Variants in HYKK observed in about 807,000 individuals in gnomAD.
HYKK encodes the protein 5-hydroxy-L-lysine kinase.
HYKK carries 19 observed loss-of-function variants against 29.7 expected under a neutral mutation model. The ratio of observed to expected loss-of-function variants is 0.64; its 90% CI spans 0.45 to 0.94. The LOEUF (loss-of-function observed/expected upper bound fraction) is 0.94, where lower values mean the gene tolerates loss of function less well. Ranked by LOEUF, HYKK falls within the 40% of genes least tolerant of loss-of-function variation. The pLI, the probability that HYKK is intolerant of heterozygous loss-of-function variation, is 0.00. For synonymous variants in HYKK, 152 were observed against 158.1 expected, an observed-to-expected ratio of 0.96 and a Z score of 0.29; for missense variants, 390 against 443.4, an observed-to-expected ratio of 0.88 and a Z score of 1.08.
chr15:78,511,293 C>G (rs994124882), intron 1 of HYKK, among the ~76,000 whole-genome samples: 1 of 152,132 alleles, frequency 6.6e-6, no homozygotes, highest in African/African-American at 2.4e-5. Flanking sequence ...GTTCCTGAAG[C>G]ATGTTCAGAA....
chr15:78,523,585 C>T (rs925774932), intron 3 of HYKK, among the ~76,000 whole-genome samples: 6 of 152,204 alleles, frequency 3.9e-5, no homozygotes, highest in Admixed American at 3.3e-4. Flanking sequence ...CCTTTCTCAA[C>T]AGTCCCCCAA....
Position 78,533,598 on chromosome 15 carries a change from C to G in HYKK, c.1050C>G (p.Asp350Glu), listed in dbSNP as rs747235383. ...TGWKHLQQMF[D>E]MGQKAVEEIW... Reference sequence around the variant, plus strand: ...GGAAACACTTACAGCAAATGTTTGACATGGGTCAGAAAGCTGTAGAAGAAA... The same window carrying G: ...GGAAACACTTACAGCAAATGTTTGAGATGGGTCAGAAAGCTGTAGAAGAAA... The change falls in exon 5 of 5, where the codon GAC becomes GAG. Residue 350 changes from aspartate (D) to glutamate (E), a missense_variant. Coordinates refer to ENST00000388988, the MANE Select transcript of HYKK (RefSeq NM_001013619.4). 1.9e-6 allele frequency: 3 copies of G among 1,614,200 alleles called. No individual in the cohort carries two copies. The South Asian group carries it at 3.3e-5, about 18-fold the overall frequency.
In HYKK at chr15:78,513,151, A is replaced by AGGGTTT; in HGVS notation, c.64_65insGGTTTG (p.Gln21_Ala22insGlyPhe). On this transcript the variant is annotated inframe_insertion, in exon 2 of 5. Transcript: ENST00000388988. ...GCAAACCCACTTTCAGTGAGGAACA[A>AGGGTTT]GCCTCTGCGTTAGTGGAGTCAGTGT... 1 of 1,614,128 alleles carries AGGGTTT rather than the reference A, an allele frequency of 6.2e-7. No homozygotes were observed. The highest frequency in any genetic ancestry group is 8.5e-7 in the Non-Finnish European group (1 of 1,179,988).
At chr15:78,531,109 C>T (rs935362226) in intron 4 of HYKK, among the ~76,000 whole-genome samples, 1 of 152,112 alleles carries the variant, frequency 6.6e-6, no homozygotes, top group Non-Finnish European at 1.5e-5. Flanking sequence ...GTGATCCGCC[C>T]ACCTAAGCCT....
downstream of HYKK, chr15:78,537,182 C>G (rs1356972044): frequency 8.8e-6 from 4 of 454,024 alleles, no homozygotes; most frequent in Non-Finnish European, 1.6e-5. Flanking sequence ...TAATTTATTT[C>G]CATAATAAAT....
rs2052027165 is a variant in HYKK, at chr15:78,507,687, GGAA to G, written c.-6+18_-6+20del. 6.6e-6 allele frequency: 1 copy of G among 152,414 alleles called. No individual in the cohort carries two copies. The highest frequency in any genetic ancestry group is 6.5e-5 in the Admixed American group (1 of 15,290). The allele number at this position is 152,414 out of a possible 1,614,324, so 9.4% of individuals were successfully genotyped here. A position where few individuals can be genotyped will look rare whatever the true frequency, so the allele number is the denominator to read the frequency against. On this transcript the variant is annotated intron_variant, in intron 1 of 4. Transcript: ENST00000388988. ...GTCGCTGCCGGTGAGCCAAGGAGGG[GGAA>G]GCAGAGACGAGCCCTGCGTCCCCGC...
At chr15:78,531,688 C>T (rs541160041) in intron 4 of HYKK, among the ~76,000 whole-genome samples, 2 of 152,176 alleles carry the variant, frequency 1.3e-5, no homozygotes, top group African/African-American at 2.4e-5. Context: ...CCCACCACCA[C>T]GCTGGCTAAA....
chr15:78,514,908 C>CTCTCTATATATATA (rs766004199), intron 2 of HYKK, 60 bp from the exon 3 acceptor site: 37 of 385,488 alleles, frequency 9.6e-5, no homozygotes, highest in African/African-American at 4.0e-4. Flanking sequence ...CTCTCTCTCT[C>CTCTCTATATATATA]TATATATATA....
At position 78,533,921 on chromosome 15, in the gene HYKK, T is replaced by TA. The variant is rs2052337380; in HGVS notation, c.*252dup. 2.2e-6 allele frequency: 1 copy of TA among 456,210 alleles called. No individual in the cohort carries two copies. 28.3% of individuals were successfully genotyped at this position (456,210 alleles called of 1,614,324 possible). A position where few individuals can be genotyped will look rare whatever the true frequency, so the allele number is the denominator to read the frequency against. ...TTACTTGCCATATCTATAAAACACA[T>TA]ATAATGATACCATTTTGAAGCAGAT... On this transcript the variant is annotated 3_prime_UTR_variant, in exon 5 of 5. Transcript: ENST00000388988.
chr15:78,513,390 C>A lies in HYKK; in HGVS notation c.302C>A (p.Thr101Asn), dbSNP rs1020874112. 41 of 1,613,944 alleles carry A rather than the reference C, an allele frequency of 2.5e-5. No individual in the cohort carries two copies. Among genetic ancestry groups the A allele is most frequent in the Non-Finnish European group, 3.5e-5 (41 of 1,179,974 alleles). The change falls in exon 2 of 5, where the codon ACT (threonine) becomes AAT (asparagine). Residue 101 changes from threonine (T) to asparagine (N), a missense_variant. Physicochemically the swap from Thr to Asn is moderately conservative, Grantham distance 65 (BLOSUM62 0). Transcript: ENST00000388988. ...AGFPTASVCH[T>N]KGDNTASLVS... ...TTTCCAACAGCCTCTGTGTGTCACA[C>A]TAAAGGAGACAACACAGCTTCTCTC...
intron 3 of HYKK, among the ~76,000 whole-genome samples, chr15:78,523,242 A>C (rs1360188931): frequency 6.6e-6 from 1 of 152,232 alleles, no homozygotes; most frequent in Non-Finnish European, 1.5e-5. Context: ...GGCCTCAGGA[A>C]GCTTCTAATC....
chr15:78,528,532 G>C, intron 4 of HYKK: 1 of 984,490 alleles, frequency 1.0e-6, no homozygotes, highest in South Asian at 4.7e-5. Context: ...GCTGGGTGTG[G>C]TGGCTCCCGC....
chr15:78,519,952 C>A (rs1199893785), intron 3 of HYKK, among the ~76,000 whole-genome samples: 1 of 152,206 alleles, frequency 6.6e-6, no homozygotes, highest in African/African-American at 2.4e-5. Context: ...GGCCACTGAA[C>A]TTTCAACTTT....
At position 78,536,241 on chromosome 15, in the gene HYKK, C is replaced by T. The variant is rs1406178619; in HGVS notation, c.*2571C>T. ...CCTTTCTGATGTAGACCATGCTCTT[C>T]ACTACCACAGAGTTCCATGCTACTT... On this transcript the variant is annotated 3_prime_UTR_variant, in exon 5 of 5. Transcript: ENST00000388988. The T allele has an allele frequency of 6.6e-6, 1 of 152,084 alleles. No individual in the cohort carries two copies. Among genetic ancestry groups the T allele is most frequent in the Non-Finnish European group, 1.5e-5 (1 of 68,064 alleles). 9.4% of individuals were successfully genotyped at this position (152,084 alleles called of 1,614,324 possible).
intron 4 of HYKK, among the ~76,000 whole-genome samples, chr15:78,530,087 T>C (rs1320441244): frequency 6.6e-6 from 1 of 151,994 alleles, no homozygotes; most frequent in Non-Finnish European, 1.5e-5. Context: ...CCTCCCACCT[T>C]AGCTTCCCAA....
intron 1 of HYKK, among the ~76,000 whole-genome samples, chr15:78,512,486 C>T (rs919677767): frequency 4.1e-4 from 61 of 148,538 alleles, no homozygotes; most frequent in African/African-American, 1.5e-3. Context: ...ACTGCAGCCT[C>T]GACCTCCCAT....
intron 1 of HYKK, among the ~76,000 whole-genome samples, chr15:78,510,718 T>A (rs1042883751): frequency 1.3e-5 from 2 of 152,194 alleles, no homozygotes; most frequent in Admixed American, 1.3e-4. Context: ...ACCTCCTCTG[T>A]CCTAGCCAAT....
intron 1 of HYKK, among the ~76,000 whole-genome samples, chr15:78,510,734 A>G (rs2052066373): frequency 6.6e-6 from 1 of 152,190 alleles, no homozygotes; most frequent in African/African-American, 2.4e-5. Flanking sequence ...CCAATTTCTC[A>G]GAAGCGCTCT....
chr15:78,510,244 G>A (rs9788682), intron 1 of HYKK, among the ~76,000 whole-genome samples: 33,968 of 151,152 alleles, frequency 0.22, 4,316 homozygotes, highest in Admixed American at 0.4. Flanking sequence ...GTGAAGTGAC[G>A]CAGTCTCATC....
Sources: gnomAD v4.1 joint callset for allele counts (sites outside exome capture counted in the v4.1 genomes callset) on GRCh38, gnomAD v4.1.1 for gene constraint, MANE v1.5 for transcripts, NCBI Gene and HGNC (gene_info 2026-07-23, HGNC 2026-07-21) for gene names.